CDH18: variants seen among roughly 807,000 people sequenced by gnomAD.
CDH18 encodes cadherin 18.
Under a neutral mutation model 67.9 loss-of-function variants are expected in CDH18, and 31 were observed. The observed-to-expected ratio is 0.46, with a 90% confidence interval of 0.34 to 0.62. The LOEUF (loss-of-function observed/expected upper bound fraction) is 0.62, where lower values mean the gene tolerates loss of function less well. Among genes scored for constraint, CDH18 ranks in the 20% least tolerant of loss-of-function variants. The pLI is 0.01. For missense variants in CDH18, 890 were observed against 975.5 expected (o/e 0.91, Z 1.17); for synonymous variants, 362 against 347.2 (o/e 1.04, Z -0.48).
intron 1 of CDH18, among the ~76,000 whole-genome samples, chr5:20,448,170 A>G (rs955279660): frequency 6.6e-6 from 1 of 151,204 alleles, no homozygotes; most frequent in Non-Finnish European, 1.5e-5. Flanking sequence ...TGTCCTTGCG[A>G]TAGTTTGCTG....
chr5:19,496,599 G>GGTCAA (rs1344018250), intron 11 of CDH18, among the ~76,000 whole-genome samples: 1 of 152,064 alleles, frequency 6.6e-6, no homozygotes, highest in Admixed American at 6.6e-5. Context: ...GATCACTTGA[G>GGTCAA]GTCAAGAGTT....
intron 4 of CDH18, among the ~76,000 whole-genome samples, chr5:19,729,573 A>C (rs1350368447): frequency 6.6e-6 from 1 of 152,216 alleles, no homozygotes; most frequent in Admixed American, 6.5e-5. Context: ...TGGGCAGAAG[A>C]AGCTTTCTAT....
At chr5:19,684,017 T>A (rs1383189659) in intron 5 of CDH18, among the ~76,000 whole-genome samples, 1 of 151,980 alleles carries the variant, frequency 6.6e-6, no homozygotes, top group African/African-American at 2.4e-5. Context: ...ATCCTCAGAG[T>A]TGTTTTATAT....
At chr5:20,124,429 C>T (rs770121972) in intron 2 of CDH18, among the ~76,000 whole-genome samples, 7 of 152,194 alleles carry the variant, frequency 4.6e-5, no homozygotes, top group Non-Finnish European at 1.0e-4. Context: ...ACATCTAATA[C>T]AAGCTGTGCA....
intron 1 of CDH18, among the ~76,000 whole-genome samples, chr5:20,414,519 C>G (rs779070491): frequency 3.9e-4 from 60 of 152,284 alleles, no homozygotes; most frequent in Non-Finnish European, 7.5e-4. Flanking sequence ...TGTTCACTCT[C>G]TCACTCTTTG....
chr5:19,731,324 G>A (rs560139771), intron 4 of CDH18, among the ~76,000 whole-genome samples: 27 of 152,148 alleles, frequency 1.8e-4, no homozygotes, highest in African/African-American at 5.5e-4. Flanking sequence ...GGTGGCGGGC[G>A]CCTGTAGCCC....
At chr5:19,811,024 AAAAGG>A (rs1167471604) in intron 3 of CDH18, among the ~76,000 whole-genome samples, 2 of 148,574 alleles carry the variant, frequency 1.3e-5, no homozygotes, top group Admixed American at 6.8e-5. Context: ...CTCTGTCTCA[AAAAGG>A]AAAGGAAAGG....
intron 5 of CDH18, among the ~76,000 whole-genome samples, chr5:19,632,982 A>C (rs1451753687): frequency 6.6e-6 from 1 of 152,158 alleles, no homozygotes; most frequent in Non-Finnish European, 1.5e-5. Context: ...ACTAATTAGA[A>C]AATACAGTGT....
At chr5:20,124,122 A>G (rs1293163773) in intron 2 of CDH18, among the ~76,000 whole-genome samples, 2 of 152,188 alleles carry the variant, frequency 1.3e-5, no homozygotes, top group Non-Finnish European at 2.9e-5. Flanking sequence ...GAGAATACTC[A>G]GTATTACTGA....
chr5:20,251,715 T>A (rs1348866316), intron 2 of CDH18, among the ~76,000 whole-genome samples: 1 of 152,110 alleles, frequency 6.6e-6, no homozygotes, highest in East Asian at 1.9e-4. Flanking sequence ...GGATTGTAAT[T>A]TGGTTTATAT....
chr5:19,477,374 C>T (rs1420368788), intron 12 of CDH18, among the ~76,000 whole-genome samples: 1 of 151,214 alleles, frequency 6.6e-6, no homozygotes, highest in Non-Finnish European at 1.5e-5. Flanking sequence ...GGTAGATACT[C>T]CATAAACAAT....
At chr5:19,473,768 C>A (rs769031852) in intron 12 of CDH18, 52 bp from the exon 13 acceptor site, 1 of 1,430,714 alleles carries the variant, frequency 7.0e-7, no homozygotes, top group Non-Finnish European at 9.4e-7. Flanking sequence ...GAAGGAAATT[C>A]TTAGAGATTT....
At chr5:19,963,538 T>C (rs1797119586) in intron 2 of CDH18, among the ~76,000 whole-genome samples, 1 of 151,988 alleles carries the variant, frequency 6.6e-6, no homozygotes, top group Admixed American at 6.5e-5. Flanking sequence ...GTGAGATCTG[T>C]TGGTTGTATA....
At chr5:19,964,647 C>G (rs1374863992) in intron 2 of CDH18, among the ~76,000 whole-genome samples, 2 of 77,246 alleles carry the variant, frequency 2.6e-5, no homozygotes, top group African/African-American at 6.7e-5. Flanking sequence ...GGCCCTGTAT[C>G]AAAAAAAAAA....
At position 19,473,379 on chromosome 5, in the gene CDH18, A is replaced by G; in HGVS notation, c.2220T>C (p.Tyr740=). 6.2e-7 allele frequency: 1 copy of G among 1,613,854 alleles called. No individual in the cohort carries two copies. The highest frequency in any genetic ancestry group is 1.1e-5 in the South Asian group (1 of 91,080). ...ACCCAGCTTCTGATCTCTGACCCTC[A>G]TAGGCATAAGTCTGAAGAGAGTCAT... ...PPYDSLQTYA[Y]EGQRSEAGSI... The change falls in exon 13 of 13, where the codon TAT becomes TAC. Residue 740 remains tyrosine (Y), a synonymous_variant. Transcript: ENST00000382275.
intron 2 of CDH18, among the ~76,000 whole-genome samples, chr5:20,022,193 G>A (rs1156420465): frequency 2.0e-5 from 3 of 152,268 alleles, no homozygotes; most frequent in Non-Finnish European, 4.4e-5. Flanking sequence ...ATTCCATTGA[G>A]TTCATATTAA....
chr5:19,666,797 C>G (rs1758020877), intron 5 of CDH18, among the ~76,000 whole-genome samples: 1 of 151,888 alleles, frequency 6.6e-6, no homozygotes, highest in Admixed American at 6.6e-5. Context: ...AGTGAGTGCA[C>G]AAACTGGGAA....
chr5:19,491,190 C>A (rs1023012993), intron 11 of CDH18, among the ~76,000 whole-genome samples: 1 of 152,136 alleles, frequency 6.6e-6, no homozygotes, highest in African/African-American at 2.4e-5. Context: ...TCCATGTGTT[C>A]CAACCTCGTC....
At chr5:19,987,030 A>G (rs1467360539) in intron 1 of CDH18, among the ~76,000 whole-genome samples, 1 of 152,200 alleles carries the variant, frequency 6.6e-6, no homozygotes, top group African/African-American at 2.4e-5. Context: ...CAGTGATGCC[A>G]TCACCTGAGC....
Sources: gnomAD v4.1 joint callset for allele counts (sites outside exome capture counted in the v4.1 genomes callset) on GRCh38, gnomAD v4.1.1 for gene constraint, MANE v1.5 for transcripts, NCBI Gene and HGNC (gene_info 2026-07-23, HGNC 2026-07-21) for gene names.